HIBCH: variants seen among roughly 807,000 people sequenced by gnomAD.
HIBCH encodes 3-hydroxyisobutyryl-CoA hydrolase, also known as 3-hydroxyisobutyryl-CoA hydrolase, mitochondrial.
HIBCH carries 50 observed loss-of-function variants against 58.2 expected under a neutral mutation model. The ratio of observed to expected loss-of-function variants is 0.86; its 90% CI spans 0.68 to 1.09. The LOEUF (loss-of-function observed/expected upper bound fraction) is 1.09, where lower values mean the gene tolerates loss of function less well. HIBCH is among the 50% of genes least tolerant of loss of function. The pLI is 0.00. For synonymous variants in HIBCH, 151 were observed against 146.9 expected (o/e 1.03, Z -0.20); for missense variants, 450 against 449.7 (o/e 1.00, Z -0.01).
chr2:190,312,260 T>C (rs989016946), intron 1 of HIBCH, among the ~76,000 whole-genome samples: 3 of 152,188 alleles, frequency 2.0e-5, no homozygotes, highest in Non-Finnish European at 4.4e-5. Context: ...AAAAATGTCC[T>C]AAAAGACATA....
At chr2:190,198,902 T>C (rs16832425) in intron 1 of HIBCH, among the ~76,000 whole-genome samples, 3,618 of 152,262 alleles carry the variant, frequency 0.024, 164 homozygotes, top group African/African-American at 0.082. Flanking sequence ...CATCTATTTA[T>C]TGACCAAACA....
At chr2:190,251,512 T>C (rs763585000) in intron 8 of HIBCH, 12 of 448,274 alleles carry the variant, frequency 2.7e-5, no homozygotes, top group Non-Finnish European at 5.5e-5. Context: ...TTCTGCCACA[T>C]GTAACACAAG....
At chr2:190,218,363 A>G (rs1315297512) in intron 11 of HIBCH, among the ~76,000 whole-genome samples, 1 of 152,138 alleles carries the variant, frequency 6.6e-6, no homozygotes, top group Non-Finnish European at 1.5e-5. Flanking sequence ...ATGCAATCCT[A>G]TATTAATTAC....
chr2:190,227,798 A>G (rs113520653), intron 11 of HIBCH, among the ~76,000 whole-genome samples: 59 of 152,360 alleles, frequency 3.9e-4, no homozygotes, highest in African/African-American at 1.4e-3. Flanking sequence ...CAACAGACAC[A>G]TGAAAAAATG....
At chr2:190,276,520 G>A (rs1411671602) in intron 6 of HIBCH, among the ~76,000 whole-genome samples, 3 of 152,158 alleles carry the variant, frequency 2.0e-5, no homozygotes, top group African/African-American at 4.8e-5. Flanking sequence ...GAATGGCTTG[G>A]TACATCCCCA....
At chr2:190,300,860 T>A (rs1484866887) in intron 2 of HIBCH, among the ~76,000 whole-genome samples, 2 of 152,208 alleles carry the variant, frequency 1.3e-5, no homozygotes, top group East Asian at 3.8e-4. Context: ...CGGTTTCCAT[T>A]CTCTGCATCT....
chr2:190,244,558 C>T (rs182806730), intron 11 of HIBCH, among the ~76,000 whole-genome samples: 24 of 152,264 alleles, frequency 1.6e-4, no homozygotes, highest in Admixed American at 1.0e-3. Context: ...TGACCCAGCC[C>T]TTCTAATTAA....
In HIBCH at chr2:190,244,902, G is replaced by C; in HGVS notation, c.876C>G (p.Ala292=). 6.2e-7 allele frequency: 1 copy of C among 1,608,714 alleles called. No individual in the cohort carries two copies. Among genetic ancestry groups the C allele is most frequent in the Non-Finnish European group, 8.5e-7 (1 of 1,175,144 alleles). ...ENLQQDGSSF[A]LEQLKVINKM... ...CCAATATTACCTTCAATTGCTCTAG[G>C]GCAAAAGATGAACCATCTTGCTGTA... is the stretch of plus-strand genomic sequence containing the variant. Residue 292 remains alanine, a synonymous_variant, in exon 11 of 14, where the codon GCC becomes GCG. Coordinates refer to ENST00000359678, the MANE Select transcript of HIBCH (RefSeq NM_014362.4).
intron 8 of HIBCH, chr2:190,251,509 A>G (rs909952096): frequency 2.7e-5 from 12 of 445,040 alleles, no homozygotes; most frequent in African/African-American, 2.5e-4. Flanking sequence ...GTCTTCTGCC[A>G]CATGTAACAC....
chr2:190,294,090 G>T (rs1007537191), intron 4 of HIBCH, among the ~76,000 whole-genome samples: 2 of 142,856 alleles, frequency 1.4e-5, no homozygotes, highest in Non-Finnish European at 3.0e-5. Context: ...GTACATAGAA[G>T]ATGGTTGCTT....
intron 11 of HIBCH, among the ~76,000 whole-genome samples, chr2:190,226,177 A>G (rs927944485): frequency 5.9e-5 from 9 of 152,238 alleles, no homozygotes; most frequent in African/African-American, 2.2e-4. Flanking sequence ...AACTGGAAGC[A>G]TTCCCTTATG....
chr2:190,193,444 CTT>C (rs556771601), intron 1 of HIBCH, among the ~76,000 whole-genome samples: 31 of 152,148 alleles, frequency 2.0e-4, no homozygotes, highest in Admixed American at 1.0e-3. Context: ...TTTCTTTCCT[CTT>C]TCTCTCTTTT....
chr2:190,217,745 AAAGTCCGTAAC>A lies in HIBCH; in HGVS notation c.892-4681_892-4671del, dbSNP rs1273111314. Among the ~76,000 whole-genome samples, 2 of 152,198 alleles carry A rather than the reference AAAGTCCGTAAC, an allele frequency of 1.3e-5. No individual in the cohort carries two copies. The highest frequency in any genetic ancestry group is 2.9e-5 in the Non-Finnish European group (2 of 68,026). On this transcript the variant is annotated intron_variant, in intron 11 of 13. Coordinates refer to ENST00000359678, the MANE Select transcript of HIBCH (RefSeq NM_014362.4). The surrounding 1 kb of genome is among the most constrained non-coding windows in gnomAD (Gnocchi z 4.6). ...GAAGACATGCTCCACCCAAGCTGGG[AAAGTCCGTAAC>A]AAGTGCTCCTAATCACTAAAACAGC... is the stretch of plus-strand genomic sequence containing the variant.
chr2:190,269,700 G>GACCC (rs1302147678), intron 6 of HIBCH, among the ~76,000 whole-genome samples: 4 of 152,106 alleles, frequency 2.6e-5, no homozygotes, highest in Non-Finnish European at 5.9e-5. Context: ...AACCCCATTT[G>GACCC]ACCCAGCAAT....
At chr2:190,271,612 T>C (rs1308029779) in intron 6 of HIBCH, among the ~76,000 whole-genome samples, 2 of 152,012 alleles carry the variant, frequency 1.3e-5, no homozygotes, top group African/African-American at 2.4e-5. Context: ...TTAATCACCA[T>C]GATCTCTCAC....
intron 6 of HIBCH, among the ~76,000 whole-genome samples, chr2:190,287,149 C>T (rs1457202437): frequency 2.0e-5 from 3 of 151,962 alleles, no homozygotes; most frequent in Non-Finnish European, 4.4e-5. Flanking sequence ...ACAAGCTCCA[C>T]CTCCTGGGTT....
chr2:190,237,950 C>G (rs765255147), intron 11 of HIBCH, among the ~76,000 whole-genome samples: 1 of 151,896 alleles, frequency 6.6e-6, no homozygotes, highest in Non-Finnish European at 1.5e-5. Context: ...ATTAGTTTGC[C>G]GAGAATGATG....
chr2:190,220,079 T>C (rs1481944083), intron 11 of HIBCH, among the ~76,000 whole-genome samples: 1 of 152,158 alleles, frequency 6.6e-6, no homozygotes, highest in Non-Finnish European at 1.5e-5. Context: ...GAATTACAGA[T>C]CTGACTTGTT....
In HIBCH at chr2:190,254,711, AT is replaced by A. The variant is rs1405809646; in HGVS notation, c.518-2405del. On this transcript the variant is annotated intron_variant, in intron 7 of 13. Transcript: ENST00000359678. This position sits in a 1 kb window ranked among gnomAD's most constrained non-coding sequence, Gnocchi z 5.0. ...AATACCTTGGAGTTATTCCTGATTC[AT>A]CATACCAGCAAGTCAGTTAAGCCCA... Among the ~76,000 whole-genome samples the A allele has an allele frequency of 2.6e-5, 4 of 152,214 alleles. No homozygotes were observed. The highest frequency in any genetic ancestry group is 5.9e-5 in the Non-Finnish European group (4 of 68,044).
Sources: gnomAD v4.1 joint callset for allele counts (sites outside exome capture counted in the v4.1 genomes callset) on GRCh38, gnomAD v4.1.1 for gene constraint, Gnocchi (gnomAD v3.1) non-coding constraint, MANE v1.5 for transcripts, NCBI Gene and HGNC (gene_info 2026-07-23, HGNC 2026-07-21) for gene names.